Variants in GPM6A observed in about 807,000 individuals in gnomAD.
GPM6A encodes the protein neuronal membrane glycoprotein M6-a.
Under a neutral mutation model 32.1 loss-of-function variants are expected in GPM6A, and 7 were observed. The observed-to-expected ratio is 0.22, with a 90% CI of 0.12 to 0.41. The LOEUF is 0.41. Ranked by LOEUF, GPM6A falls within the 10% of genes least tolerant of loss-of-function variation. The probability of loss-of-function intolerance (pLI) is 1.00; values close to 1 mark genes in which losing one functional copy is unlikely to be tolerated. For synonymous variants in GPM6A, 130 were observed against 123.4 expected (o/e 1.05, Z -0.35); for missense variants, 235 against 347.2 (o/e 0.68, Z 2.57).
At chr4:175,921,902 C>T (rs1257038617) in intron 1 of GPM6A, among the ~76,000 whole-genome samples, 1 of 152,106 alleles carries the variant, frequency 6.6e-6, no homozygotes, top group Non-Finnish European at 1.5e-5. Flanking sequence ...GATGGCTGTC[C>T]TTCTTCAGTA....
intron 1 of GPM6A, among the ~76,000 whole-genome samples, chr4:175,791,901 T>G (rs570416771): frequency 6.6e-6 from 1 of 152,236 alleles, no homozygotes; most frequent in Non-Finnish European, 1.5e-5. Context: ...TATTAAAATA[T>G]TTATGGGGAG....
chr4:175,856,746 G>A (rs1350064276), intron 1 of GPM6A, among the ~76,000 whole-genome samples: 2 of 152,024 alleles, frequency 1.3e-5, no homozygotes, highest in African/African-American at 4.8e-5. Flanking sequence ...CCTGGAGTTC[G>A]GCCATTCCCA....
At chr4:175,908,177 T>C (rs1379098258) in intron 1 of GPM6A, among the ~76,000 whole-genome samples, 1 of 152,182 alleles carries the variant, frequency 6.6e-6, no homozygotes, top group Admixed American at 6.6e-5. Flanking sequence ...AAGTCTCCAT[T>C]TGTCTAGTGA....
intron 1 of GPM6A, among the ~76,000 whole-genome samples, chr4:175,740,625 T>A (rs1235095868): frequency 1.3e-5 from 2 of 152,046 alleles, no homozygotes; most frequent in Non-Finnish European, 2.9e-5. Flanking sequence ...GTAGGTAAAA[T>A]TTGCTTCATG....
Position 175,927,593 on chromosome 4 carries a change from G to C in GPM6A, c.-23+74716C>G, listed in dbSNP as rs76875010. 3.1e-3 allele frequency among the ~76,000 whole-genome samples: 479 copies of C among 152,326 alleles called. 4 individuals are homozygous for C. The highest frequency in any genetic ancestry group is 0.011 in the African/African-American group (467 of 41,572). ...TAATAGAGTACTGGTTAAGAATGAA[G>C]GTATAATTCGGCCAGGCACGGTGGC... is the stretch of plus-strand genomic sequence containing the variant. On this transcript the variant is annotated intron_variant, in intron 1 of 7. Transcript: ENST00000280187.
chr4:175,734,579 A>AT (rs1560903813), intron 1 of GPM6A, among the ~76,000 whole-genome samples: 1 of 151,350 alleles, frequency 6.6e-6, no homozygotes, highest in East Asian at 2.0e-4. Flanking sequence ...AAAAAAAAAA[A>AT]TGCTATATAA....
chr4:175,819,802 G>T (rs1451441331), intron 1 of GPM6A, among the ~76,000 whole-genome samples: 1 of 152,100 alleles, frequency 6.6e-6, no homozygotes, highest in African/African-American at 2.4e-5. Flanking sequence ...CTCACAACAT[G>T]AATATTTGTA....
At chr4:175,793,484 C>T (rs1178353413) in intron 1 of GPM6A, among the ~76,000 whole-genome samples, 4 of 152,140 alleles carry the variant, frequency 2.6e-5, no homozygotes, top group Non-Finnish European at 5.9e-5. Flanking sequence ...TCAAGTGATT[C>T]TCCTGCCTCG....
intron 3 of GPM6A, among the ~76,000 whole-genome samples, chr4:175,655,422 T>G (rs933031989): frequency 2.0e-5 from 3 of 152,026 alleles, no homozygotes; most frequent in Non-Finnish European, 2.9e-5. Context: ...TAATCCTACG[T>G]AGAAAATCTT....
chr4:175,902,745 C>T (rs903111003), intron 1 of GPM6A, among the ~76,000 whole-genome samples: 1 of 151,908 alleles, frequency 6.6e-6, no homozygotes. Flanking sequence ...CTCCGGGACC[C>T]CTCTCTCTGC....
intron 1 of GPM6A, among the ~76,000 whole-genome samples, chr4:175,833,645 T>C (rs181156560): frequency 9.0e-4 from 137 of 152,242 alleles, no homozygotes; most frequent in Middle Eastern, 3.4e-3. Context: ...TTAACTAATA[T>C]GGAAATTAAA....
At chr4:175,826,742 T>C (rs919991834) in intron 1 of GPM6A, among the ~76,000 whole-genome samples, 2 of 151,944 alleles carry the variant, frequency 1.3e-5, no homozygotes, top group Admixed American at 6.6e-5. Context: ...TTTTTATTAA[T>C]AAACTCATGT....
chr4:175,773,327 T>A (rs1180798221), intron 1 of GPM6A, among the ~76,000 whole-genome samples: 1 of 152,212 alleles, frequency 6.6e-6, no homozygotes. Context: ...CCTTAAACGA[T>A]CACATGCTTA....
At chr4:175,924,340 A>G (rs546739644) in intron 1 of GPM6A, among the ~76,000 whole-genome samples, 1 of 152,332 alleles carries the variant, frequency 6.6e-6, no homozygotes, top group Non-Finnish European at 1.5e-5. Context: ...AGTGGCAGTG[A>G]GAGAATGCTT....
At position 175,721,060 on chromosome 4, in the gene GPM6A, G is replaced by GTA. The variant is rs965400168; in HGVS notation, c.38-19295_38-19294dup. On this transcript the variant is annotated intron_variant, in intron 1 of 6. Coordinates refer to ENST00000393658, the MANE Select transcript of GPM6A (RefSeq NM_201591.3). ...ATATATTATATATATATATGTACTA[G>GTA]TATATATATATTACTTTAGCTTTTC... Among the ~76,000 whole-genome samples, 6 of 136,172 alleles carry GTA rather than the reference G, an allele frequency of 4.4e-5. No homozygotes were observed. The East Asian group carries it at 6.2e-4, about 14-fold the overall frequency. The allele number at this position is 136,172 out of a possible 152,430, so 89.3% of individuals were successfully genotyped here. A position where few individuals can be genotyped will look rare whatever the true frequency, so the allele number is the denominator to read the frequency against.
At chr4:175,931,473 T>C (rs1419856067) in intron 1 of GPM6A, among the ~76,000 whole-genome samples, 1 of 152,128 alleles carries the variant, frequency 6.6e-6, no homozygotes, top group African/African-American at 2.4e-5. Context: ...TGTACTTTTC[T>C]CTCTATATTT....
intron 1 of GPM6A, among the ~76,000 whole-genome samples, chr4:175,785,973 A>G (rs1017105052): frequency 3.3e-5 from 5 of 152,168 alleles, no homozygotes; most frequent in Non-Finnish European, 7.4e-5. Flanking sequence ...ATAGAGTGCC[A>G]TAAACACTTC....
At chr4:175,901,127 A>C (rs1396246063) in intron 1 of GPM6A, among the ~76,000 whole-genome samples, 1 of 145,060 alleles carries the variant, frequency 6.9e-6, no homozygotes, top group African/African-American at 2.5e-5. Context: ...GAGGCTGGGA[A>C]GGATAGTGGG....
intron 6 of GPM6A, among the ~76,000 whole-genome samples, chr4:175,637,146 ATAT>A (rs1740690549): frequency 2.0e-5 from 2 of 101,542 alleles, no homozygotes; most frequent in South Asian, 6.0e-4. Context: ...TATATATGAT[ATAT>A]TATATGTCAC....
Sources: gnomAD v4.1 joint callset for allele counts (sites outside exome capture counted in the v4.1 genomes callset) on GRCh38, gnomAD v4.1.1 for gene constraint, MANE v1.5 for transcripts, NCBI Gene and HGNC (gene_info 2026-07-23, HGNC 2026-07-21) for gene names.